The following CREB1 variants were observed in gnomAD, a reference collection of about 807,000 sequenced individuals.
The protein encoded by CREB1 is cyclic AMP-responsive element-binding protein 1.
CREB1 carries 2 observed loss-of-function variants against 42.0 expected under a neutral mutation model. The ratio of observed to expected loss-of-function variants is 0.05; its 90% confidence interval spans 0.02 to 0.15. CREB1 has a LOEUF of 0.15. CREB1 is among the 10% of genes least tolerant of loss of function. CREB1 has a pLI of 1.00. For synonymous variants in CREB1, 123 were observed against 139.9 expected, an observed-to-expected ratio of 0.88 and a Z score of 0.85; for missense variants, 199 against 388.9, an observed-to-expected ratio of 0.51 and a Z score of 4.11.
chr2:207,560,458 G>A, intron 3 of CREB1, 86 bp downstream of exon 3: 1 of 1,321,550 alleles, frequency 7.6e-7, no homozygotes, highest in South Asian at 1.4e-5. Flanking sequence ...TGAAAATAAG[G>A]ACACATCTAG....
intron 1 of CREB1, among the ~76,000 whole-genome samples, chr2:207,536,295 G>A (rs1042214866): frequency 1.3e-5 from 2 of 152,050 alleles, no homozygotes; most frequent in African/African-American, 4.8e-5. Context: ...GCTGACGCCT[G>A]TGTGATCCCA....
In CREB1 at chr2:207,598,486, TAAAA is replaced by T. The variant is rs143222694; in HGVS notation, c.*1441_*1444del. ...GCTCGATAAATCTAACAGTTACTCT[TAAAA>T]AAAAAAAAAAAAGACTAAGGTGGAT... On this transcript the variant is annotated 3_prime_UTR_variant, in exon 8 of 8. Transcript: ENST00000353267. 2.9e-3 allele frequency: 495 copies of T among 168,170 alleles called. No individual in the cohort carries two copies. The highest frequency in any genetic ancestry group is 0.013 in the East Asian group (125 of 9,870). 10.4% of individuals were successfully genotyped at this position (168,170 alleles called of 1,614,324 possible). A position where few individuals can be genotyped will look rare whatever the true frequency, so the allele number is the denominator to read the frequency against.
At position 207,577,518 on chromosome 2, in the gene CREB1, C is replaced by T. The variant is rs754917809; in HGVS notation, c.702C>T (p.Asp234=). 1.4e-5 allele frequency: 22 copies of T among 1,613,616 alleles called. No individual in the cohort carries two copies. Among genetic ancestry groups the T allele is most frequent in the East Asian group, 1.3e-4 (6 of 44,870 alleles). Residue 234 remains aspartate, a synonymous_variant, in exon 7 of 8, where the codon GAC becomes GAT. Coordinates refer to ENST00000353267, the MANE Select transcript of CREB1 (RefSeq NM_004379.5). ...TGTTTTTTTCAGCTGCCTCTGGAGA[C>T]GTACAAACATACCAGATTCGCACAG... The part of the protein sequence containing the change: ...NQVVVQAASG[D]VQTYQIRTAP...
chr2:207,575,304 G>A lies in CREB1; in HGVS notation c.538G>A (p.Ala180Thr), dbSNP rs2106566583. Residue 180 changes from alanine (A) to threonine (T), a missense_variant, in exon 6 of 8, where the codon GCT becomes ACT. Around this residue, in one of 4 missense-constraint regions of CREB1, gnomAD observed 66 missense variants for 88.1 expected, o/e 0.75. Transcript: ENST00000353267. The part of the protein sequence containing the change: ...AITQGGAIQL[A>T]NNGTDGVQGL... ...TACCCAGGGAGGAGCAATACAGCTG[G>A]CTAACAATGGTACCGATGGGGTACA... 1 of 1,613,966 alleles carries A rather than the reference G, an allele frequency of 6.2e-7. No individual in the cohort carries two copies. Among genetic ancestry groups the A allele is most frequent in the Non-Finnish European group, 8.5e-7 (1 of 1,179,912 alleles).
At chr2:207,554,670 A>G (rs528366134) in intron 1 of CREB1, among the ~76,000 whole-genome samples, 34 of 152,292 alleles carry the variant, frequency 2.2e-4, no homozygotes, top group African/African-American at 7.9e-4. Flanking sequence ...TTACCCTACA[A>G]ATATACTAAG....
chr2:207,555,969 T>G (rs186632373), intron 2 of CREB1, among the ~76,000 whole-genome samples: 1 of 152,296 alleles, frequency 6.6e-6, no homozygotes, highest in Admixed American at 6.5e-5. Flanking sequence ...GTATTTTTAG[T>G]GAAATGATCC....
intron 7 of CREB1, among the ~76,000 whole-genome samples, chr2:207,592,533 A>T (rs2085256281): frequency 6.6e-6 from 1 of 152,184 alleles, no homozygotes; most frequent in African/African-American, 2.4e-5. Flanking sequence ...TAATATGCCT[A>T]GGGATTTTCC....
chr2:207,547,146 A>G (rs1383238486), intron 1 of CREB1, among the ~76,000 whole-genome samples: 1 of 152,186 alleles, frequency 6.6e-6, no homozygotes, highest in African/African-American at 2.4e-5. Flanking sequence ...AGAAAACTGA[A>G]TTTTCACTCT....
intron 7 of CREB1, among the ~76,000 whole-genome samples, chr2:207,587,064 G>C (rs973715110): frequency 2.6e-5 from 4 of 152,170 alleles, no homozygotes; most frequent in Admixed American, 6.5e-5. Context: ...GTACATTAAT[G>C]CAGCCATTAC....
intron 1 of CREB1, among the ~76,000 whole-genome samples, chr2:207,541,993 A>C (rs1309965174): frequency 6.6e-6 from 1 of 152,200 alleles, no homozygotes; most frequent in Non-Finnish European, 1.5e-5. Context: ...TAATGTTTTC[A>C]AGGTTTATTC....
At chr2:207,567,598 A>T in intron 4 of CREB1, 35 bp downstream of exon 4, 1 of 1,440,042 alleles carries the variant, frequency 6.9e-7, no homozygotes, top group Non-Finnish European at 9.8e-7. Context: ...AAAGATGTGG[A>T]GGAAGTCTTA....
intron 1 of CREB1, among the ~76,000 whole-genome samples, chr2:207,536,751 A>T (rs1052255874): frequency 6.6e-6 from 1 of 151,738 alleles, no homozygotes; most frequent in Admixed American, 6.6e-5. Context: ...GCACTTTGGG[A>T]GGTCGAGGCG....
intron 1 of CREB1, among the ~76,000 whole-genome samples, chr2:207,552,863 G>A (rs181859177): frequency 7.9e-5 from 12 of 151,898 alleles, no homozygotes; most frequent in African/African-American, 2.4e-4. Context: ...TGATCCACCC[G>A]CCTCGGCCTC....
chr2:207,573,129 T>C (rs2082436646), intron 5 of CREB1, among the ~76,000 whole-genome samples: 1 of 152,260 alleles, frequency 6.6e-6, no homozygotes, highest in African/African-American at 2.4e-5. Flanking sequence ...TTCTGTTTAA[T>C]TGTATTCTTT....
At chr2:207,569,378 A>G (rs946979614) in intron 4 of CREB1, among the ~76,000 whole-genome samples, 4 of 152,148 alleles carry the variant, frequency 2.6e-5, no homozygotes, top group African/African-American at 7.2e-5. Flanking sequence ...TTATACTCCC[A>G]GCAGCAATGT....
chr2:207,554,714 A>T (rs2081645753), intron 1 of CREB1, among the ~76,000 whole-genome samples: 1 of 152,186 alleles, frequency 6.6e-6, no homozygotes, highest in East Asian at 1.9e-4. Context: ...TGTAAGATCA[A>T]TTTTTGTCTT....
intron 3 of CREB1, among the ~76,000 whole-genome samples, chr2:207,562,415 T>C (rs946231882): frequency 2.6e-5 from 4 of 152,236 alleles, no homozygotes; most frequent in African/African-American, 9.6e-5. Context: ...ATTTTAATCT[T>C]TATTCTGGGG....
intron 3 of CREB1, 34 bp from the exon 4 acceptor site, chr2:207,567,425 AATTT>A: frequency 6.9e-7 from 1 of 1,459,646 alleles, no homozygotes; most frequent in Non-Finnish European, 9.5e-7. Context: ...ACAGGAACTA[AATTT>A]GATTATCAAT....
intron 1 of CREB1, chr2:207,534,764 A>G (rs991216361): frequency 6.6e-5 from 10 of 152,234 alleles, no homozygotes; most frequent in African/African-American, 1.9e-4. Flanking sequence ...TCAAAACATA[A>G]TAACAGCAAA....
Sources: allele counts gnomAD v4.1 joint callset (sites outside exome capture counted in the v4.1 genomes callset), GRCh38; gene constraint gnomAD v4.1.1; regional missense constraint gnomAD v4.1.1; transcripts MANE v1.5; gene names NCBI Gene and HGNC (gene_info 2026-07-23, HGNC 2026-07-21).